LHX9: variants seen among roughly 807,000 people sequenced by gnomAD.
LHX9 encodes LIM homeobox 9.
In LHX9, 9 loss-of-function variants were observed where a neutral mutation model predicts 36.5. That is an observed-to-expected ratio of 0.25 (90% CI 0.15 to 0.43). LHX9 has a LOEUF of 0.43. Ranked by LOEUF, LHX9 falls within the 20% of genes least tolerant of loss-of-function variation. The pLI is 1.00. For missense variants in LHX9, 464 were observed against 526.4 expected (o/e 0.88, Z 1.16); for synonymous variants, 211 against 212.1 (o/e 0.99, Z 0.04).
upstream of LHX9, among the ~76,000 whole-genome samples, chr1:197,915,291 C>T (rs1659713637): frequency 6.6e-6 from 1 of 152,084 alleles, no homozygotes; most frequent in Non-Finnish European, 1.5e-5. Context: ...TCAGAGACTC[C>T]TCCTCCTCCT....
Position 197,921,974 on chromosome 1 carries a change from T to G in LHX9, c.733+315T>G, listed in dbSNP as rs1278412665. On this transcript the variant is annotated intron_variant, in intron 3 of 4. Transcript: ENST00000367387. This position sits in a 1 kb window ranked among gnomAD's most constrained non-coding sequence, Gnocchi z 4.6. Reference sequence around the variant, plus strand: ...GAGCCCATTAGTTTCTGGCTCTCAGTTGGAGCAAAACAGCCCCAGGGCAAT... The same window carrying G: ...GAGCCCATTAGTTTCTGGCTCTCAGGTGGAGCAAAACAGCCCCAGGGCAAT... Among the ~76,000 whole-genome samples, 1 of 152,124 alleles carries G rather than the reference T, an allele frequency of 6.6e-6. No individual in the cohort carries two copies. The highest frequency in any genetic ancestry group is 1.5e-5 in the Non-Finnish European group (1 of 68,034).
intron 3 of LHX9, among the ~76,000 whole-genome samples, chr1:197,924,783 T>A (rs549184495): frequency 6.6e-6 from 1 of 152,344 alleles, no homozygotes; most frequent in East Asian, 1.9e-4. Context: ...TTAGGATGGG[T>A]GCCCATCGCA....
chr1:197,915,587 T>C (rs759406370), upstream of LHX9, among the ~76,000 whole-genome samples: 3 of 152,202 alleles, frequency 2.0e-5, no homozygotes, highest in African/African-American at 4.8e-5. Context: ...ATTGGCTTCA[T>C]TTTTGTGTGA....
upstream of LHX9, chr1:197,916,412 G>A (rs920732525): frequency 1.2e-5 from 6 of 505,484 alleles, no homozygotes; most frequent in African/African-American, 1.2e-4. Flanking sequence ...CCAGGGTAGT[G>A]GGAGAAGCAC....
At chr1:197,927,863 C>A in intron 4 of LHX9, 70 bp downstream of exon 4, 1 of 1,329,890 alleles carries the variant, frequency 7.5e-7, no homozygotes. Flanking sequence ...GTGCTCTTCC[C>A]TGGTTAGAGT....
chr1:197,919,308 AAG>A (rs1319842960), intron 1 of LHX9, among the ~76,000 whole-genome samples: 2 of 152,182 alleles, frequency 1.3e-5, no homozygotes, highest in African/African-American at 2.4e-5. Context: ...ATGCTAGGGA[AAG>A]AGGGGACTGT....
Position 197,932,193 on chromosome 1 carries a change from T to C in LHX9, c.*2934T>C, listed in dbSNP as rs956589588. ...TAAAATTATGTGGTTTAAACAAAATTAGATAAACCATGTACAAAACCAGAG... is the reference window on the plus strand; with the variant it reads ...TAAAATTATGTGGTTTAAACAAAATCAGATAAACCATGTACAAAACCAGAG... On this transcript the variant is annotated 3_prime_UTR_variant, in exon 5 of 5. Coordinates refer to ENST00000367387, the MANE Select transcript of LHX9 (RefSeq NM_020204.3). The C allele has an allele frequency of 4.9e-5, 20 of 410,776 alleles. No homozygotes were observed. Among genetic ancestry groups the C allele is most frequent in the African/African-American group, 4.0e-4 (20 of 49,524 alleles). The allele number at this position is 410,776 out of a possible 1,614,324, so 25.4% of individuals were successfully genotyped here.
intron 3 of LHX9, among the ~76,000 whole-genome samples, chr1:197,923,360 G>A (rs1463557250): frequency 6.6e-6 from 1 of 152,190 alleles, no homozygotes; most frequent in African/African-American, 2.4e-5. Context: ...TTGGTTAGGG[G>A]CCACTTTGCC....
Position 197,917,534 on chromosome 1 carries a change from C to T in LHX9, c.-290C>T. 2.1e-6 allele frequency: 3 copies of T among 1,444,076 alleles called. No individual in the cohort carries two copies. The highest frequency in any genetic ancestry group is 2.4e-5 in the South Asian group (2 of 82,058). The allele number at this position is 1,444,076 out of a possible 1,614,324, so 89.5% of individuals were successfully genotyped here. A position where few individuals can be genotyped will look rare whatever the true frequency, so the allele number is the denominator to read the frequency against. The stretch of plus-strand genomic sequence containing the variant: ...TTGTTTCCCATTAGTAACTCGATCT[C>T]TCAGAGCAGTAAGATTCGCCTTCTA... On this transcript the variant is annotated 5_prime_UTR_variant, in exon 1 of 5. Transcript: ENST00000367387.
chr1:197,929,726 A>G lies in LHX9; in HGVS notation c.*467A>G, dbSNP rs181449909. On this transcript the variant is annotated 3_prime_UTR_variant, in exon 5 of 5. Coordinates refer to ENST00000367387, the MANE Select transcript of LHX9 (RefSeq NM_020204.3). ...GTATGTGTGATTATGGAGTTTTGAA[A>G]ACGTTACATTTTTTAAATCTTAAAA... is the stretch of plus-strand genomic sequence containing the variant. The G allele has an allele frequency of 2.9e-4, 270 of 944,556 alleles. 1 individual carries two copies. The Admixed American group carries it at 8.9e-3, about 31-fold the overall frequency. The allele number at this position is 944,556 out of a possible 1,614,324, so 58.5% of individuals were successfully genotyped here. A position where few individuals can be genotyped will look rare whatever the true frequency, so the allele number is the denominator to read the frequency against.
At chr1:197,927,159 T>C (rs1485886650) in intron 3 of LHX9, among the ~76,000 whole-genome samples, 3 of 152,168 alleles carry the variant, frequency 2.0e-5, no homozygotes, top group African/African-American at 7.2e-5. Flanking sequence ...TCAGACAGTG[T>C]GTCTCATTCC....
chr1:197,929,525 T>G lies in LHX9; in HGVS notation c.*266T>G. ...TAGGTCTTTCAGTTGGTAAGGAGAG[T>G]TTTTGAATAATTCTAATAAGTGCCT... is the stretch of plus-strand genomic sequence containing the variant. On this transcript the variant is annotated 3_prime_UTR_variant, in exon 5 of 5. Coordinates refer to ENST00000367387, the MANE Select transcript of LHX9 (RefSeq NM_020204.3). 1.0e-6 allele frequency: 1 copy of G among 958,536 alleles called. No homozygotes were observed. Among genetic ancestry groups the G allele is most frequent in the Non-Finnish European group, 1.2e-6 (1 of 800,844 alleles). 59.4% of individuals were successfully genotyped at this position (958,536 alleles called of 1,614,324 possible). A position where few individuals can be genotyped will look rare whatever the true frequency, so the allele number is the denominator to read the frequency against.
At position 197,932,410 on chromosome 1, in the gene LHX9, T is replaced by C. The variant is rs1660352159; in HGVS notation, c.*3151T>C. 1 of 155,176 alleles carries C rather than the reference T, an allele frequency of 6.4e-6. No individual in the cohort carries two copies. The highest frequency in any genetic ancestry group is 1.4e-5 in the Non-Finnish European group (1 of 69,916). 9.6% of individuals were successfully genotyped at this position (155,176 alleles called of 1,614,324 possible). A position where few individuals can be genotyped will look rare whatever the true frequency, so the allele number is the denominator to read the frequency against. The stretch of plus-strand genomic sequence containing the variant: ...AGAAAAGCTATCACCCATTTAAGAG[T>C]ATAGGGATCAAACCCCAGTAATTTT... On this transcript the variant is annotated 3_prime_UTR_variant, in exon 5 of 5. Transcript: ENST00000367387.
chr1:197,919,961 T>C lies in LHX9; in HGVS notation c.175-11T>C, dbSNP rs1659917766. The C allele has an allele frequency of 1.2e-6, 2 of 1,613,654 alleles. No homozygotes were observed. The highest frequency in any genetic ancestry group is 1.7e-5 in the Admixed American group (1 of 60,016). The stretch of plus-strand genomic sequence containing the variant: ...CGCCCTCCTCAGCCTTGCGGTGTGC[T>C]TTCTTTGCAGGGCATGCCCCCGCTC... On this transcript the variant is annotated splice_polypyrimidine_tract_variant and intron_variant, in intron 1 of 4. Coordinates refer to ENST00000367387, the MANE Select transcript of LHX9 (RefSeq NM_020204.3).
intron 4 of LHX9, 50 bp downstream of exon 4, chr1:197,927,843 A>C: frequency 1.3e-6 from 2 of 1,482,330 alleles, no homozygotes; most frequent in Non-Finnish European, 1.9e-6. Context: ...TCCCCTTCCC[A>C]GTAAAAATAG....
chr1:197,928,852 A>G (rs1270644901), intron 4 of LHX9, 150 bp from the exon 5 acceptor site: 5 of 980,022 alleles, frequency 5.1e-6, no homozygotes, highest in Non-Finnish European at 7.1e-6. Context: ...CTTTCCTCCT[A>G]AGAAAGACAA....
chr1:197,935,006 TAG>T lies in LHX9; in HGVS notation c.*5749_*5750del, dbSNP rs1460411693. The T allele has an allele frequency of 2.0e-5, 3 of 152,108 alleles. No homozygotes were observed. The highest frequency in any genetic ancestry group is 7.2e-5 in the African/African-American group (3 of 41,414). 9.4% of individuals were successfully genotyped at this position (152,108 alleles called of 1,614,324 possible). A position where few individuals can be genotyped will look rare whatever the true frequency, so the allele number is the denominator to read the frequency against. On this transcript the variant is annotated 3_prime_UTR_variant, in exon 5 of 5. Coordinates refer to ENST00000367387, the MANE Select transcript of LHX9 (RefSeq NM_020204.3). ...TGGTGAGGTTGGGAGAGGGAAAGTTTAGAACTGTGCATGATACTCAAGGAAAA... is the reference window on the plus strand; with the variant it reads ...TGGTGAGGTTGGGAGAGGGAAAGTTTAACTGTGCATGATACTCAAGGAAAA...
chr1:197,925,560 A>T (rs1368152137), intron 3 of LHX9, among the ~76,000 whole-genome samples: 1 of 152,178 alleles, frequency 6.6e-6, no homozygotes, highest in Non-Finnish European at 1.5e-5. Flanking sequence ...TAATCTGGTT[A>T]TGAAATATGG....
In LHX9 at chr1:197,932,484, C is replaced by T. The variant is rs1157434046; in HGVS notation, c.*3225C>T. 1 of 152,338 alleles carries T rather than the reference C, an allele frequency of 6.6e-6. No homozygotes were observed. Among genetic ancestry groups the T allele is most frequent in the Non-Finnish European group, 1.5e-5 (1 of 68,110 alleles). The allele number at this position is 152,338 out of a possible 1,614,324, so 9.4% of individuals were successfully genotyped here. ...TTTTAAACAGAAATCTCTGCATGCA[C>T]TTTTACATATGTCACCTCTAGTGTA... On this transcript the variant is annotated 3_prime_UTR_variant, in exon 5 of 5. Coordinates refer to ENST00000367387, the MANE Select transcript of LHX9 (RefSeq NM_020204.3).
Sources: allele counts gnomAD v4.1 joint callset (sites outside exome capture counted in the v4.1 genomes callset), GRCh38; gene constraint gnomAD v4.1.1; non-coding constraint Gnocchi (gnomAD v3.1); transcripts MANE v1.5; gene names NCBI Gene and HGNC (gene_info 2026-07-23, HGNC 2026-07-21).